Variants in SLC4A10 observed in about 807,000 individuals in gnomAD.
The protein encoded by SLC4A10 is solute carrier family 4 member 10.
In SLC4A10, 42 loss-of-function variants were observed where a neutral mutation model predicts 137.7. That is an observed-to-expected ratio of 0.30 (90% CI 0.24 to 0.39). The LOEUF is 0.39. Among genes scored for constraint, SLC4A10 ranks in the 10% least tolerant of loss-of-function variants. The probability of loss-of-function intolerance (pLI) is 1.00; values close to 1 mark genes in which losing one functional copy is unlikely to be tolerated. For missense variants in SLC4A10, 925 were observed against 1,355.0 expected (o/e 0.68, Z 4.98); for synonymous variants, 474 against 464.1 (o/e 1.02, Z -0.27).
intron 15 of SLC4A10, among the ~76,000 whole-genome samples, chr2:161,929,688 C>T (rs1689962551): frequency 6.6e-6 from 1 of 152,074 alleles, no homozygotes; most frequent in Non-Finnish European, 1.5e-5. Flanking sequence ...AGCATTTGGG[C>T]CCTCCCCTTA....
intron 6 of SLC4A10, among the ~76,000 whole-genome samples, chr2:161,870,640 A>AT (rs1402553859): frequency 6.6e-6 from 1 of 151,820 alleles, no homozygotes; most frequent in Non-Finnish European, 1.5e-5. Flanking sequence ...TATGTAAAAG[A>AT]TTTTTTTAAA....
chr2:161,733,581 G>A (rs1055984698), intron 1 of SLC4A10, among the ~76,000 whole-genome samples: 2 of 152,236 alleles, frequency 1.3e-5, no homozygotes, highest in African/African-American at 4.8e-5. Flanking sequence ...ATGTGGGGTT[G>A]GAGCCCCCAC....
rs1419527191 is a variant in SLC4A10 at position 161,882,342 on chromosome 2, TC to T, written c.1107-14del. Reference sequence around the variant, plus strand: ...TATTTCTACCTTAAAACATTTTTTTTCTTCTTAATTACAGATTTTTGTTCAT... The same window carrying T: ...TATTTCTACCTTAAAACATTTTTTTTTTCTTAATTACAGATTTTTGTTCAT... On this transcript the variant is annotated splice_polypyrimidine_tract_variant and intron_variant, in intron 9 of 26. Coordinates refer to ENST00000446997, the MANE Select transcript of SLC4A10 (RefSeq NM_001178015.2). The T allele has an allele frequency of 3.4e-6, 5 of 1,480,734 alleles. No individual in the cohort carries two copies. The highest frequency in any genetic ancestry group is 4.6e-6 in the Non-Finnish European group (5 of 1,094,468). 91.7% of individuals were successfully genotyped at this position (1,480,734 alleles called of 1,614,324 possible). A position where few individuals can be genotyped will look rare whatever the true frequency, so the allele number is the denominator to read the frequency against.
intron 7 of SLC4A10, 95 bp downstream of exon 7, chr2:161,872,479 G>A (rs1198839234): frequency 1.5e-5 from 13 of 869,080 alleles, no homozygotes; most frequent in South Asian, 3.8e-5. Context: ...TTTTGCATGC[G>A]CTTTTTGTTT....
chr2:161,682,788 T>C (rs756718827), intron 1 of SLC4A10, among the ~76,000 whole-genome samples: 1 of 152,044 alleles, frequency 6.6e-6, no homozygotes, highest in African/African-American at 2.4e-5. Context: ...CTCTGCCTGG[T>C]CTCTCCACAT....
intron 1 of SLC4A10, among the ~76,000 whole-genome samples, chr2:161,632,316 G>A (rs939634223): frequency 4.0e-5 from 6 of 151,184 alleles, no homozygotes; most frequent in African/African-American, 1.5e-4. Flanking sequence ...TTTTCACAAA[G>A]TGGTGAATTT....
rs545189436 is a variant in SLC4A10, at chr2:161,964,167, G to A, written c.2895G>A (p.Pro965=). The part of the protein sequence containing the change: ...FFDRIKLFWM[P]AKHQPDFIYL... Reference sequence around the variant, plus strand: ...ATAGGATAAAGCTCTTCTGGATGCCGGCAAAACATCAACCAGATTTTATAT... The same window carrying A: ...ATAGGATAAAGCTCTTCTGGATGCCAGCAAAACATCAACCAGATTTTATAT... Residue 965 remains proline (P), a synonymous_variant, in exon 22 of 27, where the codon CCG becomes CCA. Transcript: ENST00000446997. The A allele has an allele frequency of 9.9e-6, 16 of 1,611,044 alleles. No homozygotes were observed. Among genetic ancestry groups the A allele is most frequent in the South Asian group, 2.2e-5 (2 of 90,578 alleles).
chr2:161,890,131 G>C (rs1183952091), intron 10 of SLC4A10, among the ~76,000 whole-genome samples: 1 of 152,208 alleles, frequency 6.6e-6, no homozygotes, highest in Non-Finnish European at 1.5e-5. Flanking sequence ...GTTCTAATTT[G>C]ATTGCACTGT....
intron 2 of SLC4A10, among the ~76,000 whole-genome samples, chr2:161,791,598 C>T (rs991417435): frequency 6.6e-6 from 1 of 152,178 alleles, no homozygotes; most frequent in African/African-American, 2.4e-5. Flanking sequence ...CAAAACTGCA[C>T]ATATTGCCCT....
At chr2:161,696,523 T>G (rs1189318680) in intron 1 of SLC4A10, among the ~76,000 whole-genome samples, 1 of 143,346 alleles carries the variant, frequency 7.0e-6, no homozygotes, top group Non-Finnish European at 1.5e-5. Context: ...TTCTCATTGT[T>G]CAATTCCCAC....
chr2:161,863,821 A>G (rs1206530000), intron 6 of SLC4A10, among the ~76,000 whole-genome samples: 1 of 152,172 alleles, frequency 6.6e-6, no homozygotes, highest in Non-Finnish European at 1.5e-5. Context: ...TCCTGTTATC[A>G]TCCATCCTTT....
chr2:161,915,164 G>A (rs1479665619), intron 15 of SLC4A10, among the ~76,000 whole-genome samples: 2 of 152,066 alleles, frequency 1.3e-5, no homozygotes, highest in African/African-American at 4.8e-5. Flanking sequence ...CAGAGATGGT[G>A]GCTGGACATT....
chr2:161,719,728 G>A (rs1052048669), intron 1 of SLC4A10, among the ~76,000 whole-genome samples: 2 of 151,684 alleles, frequency 1.3e-5, no homozygotes, highest in Admixed American at 6.6e-5. Context: ...TCATATCCTT[G>A]GCCCACTTTT....
chr2:161,626,477 G>C (rs1014022988), intron 1 of SLC4A10, among the ~76,000 whole-genome samples: 3 of 152,094 alleles, frequency 2.0e-5, no homozygotes, highest in Non-Finnish European at 2.9e-5. Context: ...TTAATGGTCA[G>C]TACAAAATAG....
Position 161,962,578 on chromosome 2 carries a change from A to C in SLC4A10, c.2863-1557A>C, listed in dbSNP as rs1056686560. ...AAAACTTAATGACATGTACATGGAC[A>C]GAATGGAGAGACATTATTCAGGAAT... On this transcript the variant is annotated intron_variant, in intron 21 of 26. Coordinates refer to ENST00000446997, the MANE Select transcript of SLC4A10 (RefSeq NM_001178015.2). Among the ~76,000 whole-genome samples the C allele has an allele frequency of 4.7e-4, 72 of 152,332 alleles. 1 individual carries two copies. Among genetic ancestry groups the C allele is most frequent in the Non-Finnish European group, 6.5e-4 (44 of 68,014 alleles).
At chr2:161,630,146 T>G (rs1380436321) in intron 1 of SLC4A10, among the ~76,000 whole-genome samples, 1 of 151,886 alleles carries the variant, frequency 6.6e-6, no homozygotes, top group East Asian at 1.9e-4. Flanking sequence ...GCTATTCTCA[T>G]GAGCAATGAA....
chr2:161,826,416 T>C lies in SLC4A10; in HGVS notation c.278-13373T>C, dbSNP rs376289618. On this transcript the variant is annotated intron_variant, in intron 3 of 26. Transcript: ENST00000446997. ...GCAAGATTACATATTAAAATGGAAG[T>C]TTTTCAATTCACTTCTGTCATTGTA... is the stretch of plus-strand genomic sequence containing the variant. Among the ~76,000 whole-genome samples the C allele has an allele frequency of 9.8e-5, 15 of 152,294 alleles. No individual in the cohort carries two copies. The East Asian group carries it at 1.4e-3, about 14-fold the overall frequency.
chr2:161,680,170 G>C (rs1296354609), intron 1 of SLC4A10, among the ~76,000 whole-genome samples: 1 of 152,106 alleles, frequency 6.6e-6, no homozygotes, highest in Non-Finnish European at 1.5e-5. Context: ...TCTCACAAGA[G>C]AGCTCTGTTC....
intron 10 of SLC4A10, 89 bp downstream of exon 10, chr2:161,882,533 A>T: frequency 1.4e-6 from 1 of 736,538 alleles, no homozygotes; most frequent in Non-Finnish European, 2.1e-6. Flanking sequence ...GTTTGTTGTG[A>T]ATCAGATTTC....
Sources: allele counts gnomAD v4.1 joint callset (sites outside exome capture counted in the v4.1 genomes callset), GRCh38; gene constraint gnomAD v4.1.1; transcripts MANE v1.5; gene names NCBI Gene and HGNC (gene_info 2026-07-23, HGNC 2026-07-21).